The following GNB1L variants were observed in gnomAD, a reference collection of about 807,000 sequenced individuals.
GNB1L encodes guanine nucleotide-binding protein subunit beta-like protein 1.
In GNB1L, 20 loss-of-function variants were observed where a neutral mutation model predicts 29.1. The ratio of observed to expected loss-of-function variants is 0.69; its 90% CI spans 0.48 to 1.00. The LOEUF (loss-of-function observed/expected upper bound fraction) is 1.00. GNB1L is among the 50% of genes least tolerant of loss of function. GNB1L has a pLI of 0.00. For missense variants in GNB1L, 421 were observed against 464.9 expected, an observed-to-expected ratio of 0.91 and a Z score of 0.87; for synonymous variants, 193 against 206.5, an observed-to-expected ratio of 0.93 and a Z score of 0.56.
In GNB1L at chr22:19,821,378, G is replaced by A; in HGVS notation, c.-20-3C>T. ...CATGCTGGGCAGGATGCAGTTACCT[G>A]GGCACCAAGGGAGGGCGTGTGAGTG... On this transcript the variant is annotated splice_polypyrimidine_tract_variant and splice_region_variant and intron_variant, in intron 2 of 7. Transcript: ENST00000329517. 6.2e-7 allele frequency: 1 copy of A among 1,609,742 alleles called. No individual in the cohort carries two copies. The highest frequency in any genetic ancestry group is 2.2e-5 in the East Asian group (1 of 44,840).
chr22:19,785,904 T>G lies in GNB1L; in HGVS notation c.*2805A>C, dbSNP rs556345929. On this transcript the variant is annotated 3_prime_UTR_variant, in exon 8 of 8. Transcript: ENST00000329517. The surrounding 1 kb of genome is among the most constrained non-coding windows in gnomAD (Gnocchi z 4.1). ...TGGTGATTCATCACGACCCAGGTTC[T>G]GTTGACACAAAGGCCGACCTGTCCA... The G allele has an allele frequency of 6.6e-6, 1 of 152,476 alleles. No homozygotes were observed. Among genetic ancestry groups the G allele is most frequent in the South Asian group, 2.1e-4 (1 of 4,828 alleles). 9.4% of individuals were successfully genotyped at this position (152,476 alleles called of 1,614,324 possible).
In GNB1L at chr22:19,821,307, G is replaced by C. The variant is rs1026246637; in HGVS notation, c.49C>G (p.Arg17Gly). ...GCATGCACCGGTGACTGGGTGCCTC[G>C]GAGGACAAACTGGGGGTCTGGAGGT... ...PPPPDPQFVL[R>G]GTQSPVHALH... Residue 17 changes from arginine to glycine, a missense_variant, in exon 3 of 8, where the codon CGA becomes GGA. Transcript: ENST00000329517. 2 of 1,613,000 alleles carry C rather than the reference G, an allele frequency of 1.2e-6. No homozygotes were observed. The highest frequency in any genetic ancestry group is 2.7e-5 in the African/African-American group (2 of 74,924).
Position 19,788,619 on chromosome 22 carries a change from C to A in GNB1L, c.*90G>T, listed in dbSNP as rs77014742. The A allele has an allele frequency of 6.6e-7, 1 of 1,516,758 alleles. No homozygotes were observed. Among genetic ancestry groups the A allele is most frequent in the Non-Finnish European group, 9.1e-7 (1 of 1,093,582 alleles). The allele number at this position is 1,516,758 out of a possible 1,614,324, so 94.0% of individuals were successfully genotyped here. A position where few individuals can be genotyped will look rare whatever the true frequency, so the allele number is the denominator to read the frequency against. ...CCTTGGGCCATGACTTGCTGGTCCT[C>A]AGAGGCCCTTGAGGTTTCAGGCCAA... is the stretch of plus-strand genomic sequence containing the variant. On this transcript the variant is annotated 3_prime_UTR_variant, in exon 8 of 8. Coordinates refer to ENST00000329517, the MANE Select transcript of GNB1L (RefSeq NM_053004.3).
In GNB1L at chr22:19,787,890, G is replaced by C. The variant is rs556388514; in HGVS notation, c.*819C>G. 1 of 152,658 alleles carries C rather than the reference G, an allele frequency of 6.6e-6. No individual in the cohort carries two copies. The highest frequency in any genetic ancestry group is 1.5e-5 in the Non-Finnish European group (1 of 68,292). 9.5% of individuals were successfully genotyped at this position (152,658 alleles called of 1,614,324 possible). On this transcript the variant is annotated 3_prime_UTR_variant, in exon 8 of 8. Transcript: ENST00000329517. ...TGCTCTTGCTGTGTTGTGCCCTGGG[G>C]GCCACCCTGTGTGCAGCCGCAGCTG...
At chr22:19,829,090 C>T (rs1236242874) in intron 2 of GNB1L, among the ~76,000 whole-genome samples, 2 of 152,154 alleles carry the variant, frequency 1.3e-5, no homozygotes, top group African/African-American at 4.8e-5. Flanking sequence ...TCTTGGCCTC[C>T]CAAAGTGCTG....
chr22:19,815,262 C>T (rs1805450235), intron 4 of GNB1L, among the ~76,000 whole-genome samples: 9 of 152,196 alleles, frequency 5.9e-5, no homozygotes, highest in Admixed American at 5.9e-4. Flanking sequence ...GGTGCCCACG[C>T]CACAGAGAAT....
chr22:19,806,618 G>T (rs781042976), intron 6 of GNB1L, 41 bp downstream of exon 6: 9 of 1,240,578 alleles, frequency 7.3e-6, no homozygotes, highest in Middle Eastern at 2.0e-4. Flanking sequence ...ATGGCCGTGG[G>T]TGTGGCCGGC....
intron 7 of GNB1L, among the ~76,000 whole-genome samples, chr22:19,791,458 C>T (rs1216667529): frequency 6.6e-6 from 1 of 152,232 alleles, no homozygotes; most frequent in East Asian, 1.9e-4. Context: ...TCCCAAATGC[C>T]CCCACAGCTC....
At position 19,806,507 on chromosome 22, in the gene GNB1L, G is replaced by C. The variant is rs893189709; in HGVS notation, c.516+152C>G. 4.6e-5 allele frequency: 28 copies of C among 602,744 alleles called. No homozygotes were observed. In the Admixed American group the frequency reaches 8.2e-4, roughly 18 times the overall value. The allele number at this position is 602,744 out of a possible 1,614,324, so 37.3% of individuals were successfully genotyped here. On this transcript the variant is annotated intron_variant, in intron 6 of 7. Transcript: ENST00000329517. ...TTGCAGCAGCAGGAAGCAGAGGGCCGTGGGGACACTGAGGCAGCTGCACAG... is the reference window on the plus strand; with the variant it reads ...TTGCAGCAGCAGGAAGCAGAGGGCCCTGGGGACACTGAGGCAGCTGCACAG...
At chr22:19,822,775 C>T (rs1044004920) in intron 2 of GNB1L, among the ~76,000 whole-genome samples, 10 of 152,140 alleles carry the variant, frequency 6.6e-5, no homozygotes, top group African/African-American at 1.7e-4. Flanking sequence ...GGGTGGTAGG[C>T]GGATGGGGGT....
At chr22:19,812,913 GT>G (rs144202467) in intron 4 of GNB1L, among the ~76,000 whole-genome samples, 2,722 of 152,332 alleles carry the variant, frequency 0.018, 71 homozygotes, top group African/African-American at 0.056. Flanking sequence ...AAAAATAACT[GT>G]GCAGAAACTG....
intron 2 of GNB1L, among the ~76,000 whole-genome samples, chr22:19,828,507 C>T (rs1268837176): frequency 1.3e-5 from 2 of 151,798 alleles, no homozygotes; most frequent in South Asian, 2.1e-4. Context: ...AATAAAAATT[C>T]GCTGGGCACA....
intron 2 of GNB1L, among the ~76,000 whole-genome samples, chr22:19,852,935 G>A (rs1228337810): frequency 6.6e-6 from 1 of 152,138 alleles, no homozygotes; most frequent in Non-Finnish European, 1.5e-5. Context: ...TACAGCACGC[G>A]ATTATAAACT....
In GNB1L at chr22:19,784,632, G is replaced by A. The variant is rs1373760348; in HGVS notation, c.*4077C>T. On this transcript the variant is annotated 3_prime_UTR_variant, in exon 8 of 8. Transcript: ENST00000329517. ...ACCTTGTAAAGTGGGGCTGCACAGA[G>A]GTCAGCACATGGTGGCGCCCACCGT... 1 of 152,238 alleles carries A rather than the reference G, an allele frequency of 6.6e-6. No homozygotes were observed. Among genetic ancestry groups the A allele is most frequent in the Non-Finnish European group, 1.5e-5 (1 of 68,066 alleles). 9.4% of individuals were successfully genotyped at this position (152,238 alleles called of 1,614,324 possible). A position where few individuals can be genotyped will look rare whatever the true frequency, so the allele number is the denominator to read the frequency against.
intron 5 of GNB1L, among the ~76,000 whole-genome samples, chr22:19,812,062 C>T (rs1244075616): frequency 6.6e-6 from 1 of 152,238 alleles, no homozygotes; most frequent in Admixed American, 6.5e-5. Flanking sequence ...CCCAACGCCT[C>T]CTGATTCTCC....
At chr22:19,809,742 A>G (rs1601329472) in intron 5 of GNB1L, among the ~76,000 whole-genome samples, 1 of 152,224 alleles carries the variant, frequency 6.6e-6, no homozygotes, top group Admixed American at 6.5e-5. Flanking sequence ...GGATAAGGGA[A>G]CTTTTCCCAT....
At chr22:19,800,665 C>G (rs935936773) in intron 7 of GNB1L, among the ~76,000 whole-genome samples, 4 of 152,200 alleles carry the variant, frequency 2.6e-5, no homozygotes, top group Non-Finnish European at 5.9e-5. Flanking sequence ...GAAGCTCTGC[C>G]GCTTACATCA....
chr22:19,796,747 G>C (rs981528128), intron 7 of GNB1L, among the ~76,000 whole-genome samples: 2 of 152,178 alleles, frequency 1.3e-5, no homozygotes, highest in African/African-American at 4.8e-5. Flanking sequence ...CTGGAAACAG[G>C]CTCCATGTGG....
At chr22:19,808,865 T>A (rs1245439766) in intron 5 of GNB1L, among the ~76,000 whole-genome samples, 1 of 152,154 alleles carries the variant, frequency 6.6e-6, no homozygotes, top group Non-Finnish European at 1.5e-5. Context: ...CATTGGGTGT[T>A]GCCACCATTG....
Sources: gnomAD v4.1 joint callset for allele counts (sites outside exome capture counted in the v4.1 genomes callset) on GRCh38, gnomAD v4.1.1 for gene constraint, Gnocchi (gnomAD v3.1) non-coding constraint, MANE v1.5 for transcripts, NCBI Gene and HGNC (gene_info 2026-07-23, HGNC 2026-07-21) for gene names.